RABGEF1: variants seen among roughly 807,000 people sequenced by gnomAD.
RABGEF1 encodes RAB guanine nucleotide exchange factor 1.
Under a neutral mutation model 57.3 loss-of-function variants are expected in RABGEF1, and 26 were observed. That is an observed-to-expected ratio of 0.45 (90% CI 0.33 to 0.63). The LOEUF is 0.63. Ranked by LOEUF, RABGEF1 falls within the 20% of genes least tolerant of loss-of-function variation. The probability of loss-of-function intolerance (pLI) is 0.02; values close to 1 mark genes in which losing one functional copy is unlikely to be tolerated. For synonymous variants in RABGEF1, 185 were observed against 210.7 expected, an observed-to-expected ratio of 0.88 and a Z score of 1.06; for missense variants, 464 against 607.6, an observed-to-expected ratio of 0.76 and a Z score of 2.48.
intron 1 of RABGEF1, among the ~76,000 whole-genome samples, chr7:66,688,673 TG>T (rs1791073553): frequency 2.6e-5 from 4 of 152,128 alleles, no homozygotes; most frequent in African/African-American, 9.7e-5. Flanking sequence ...TGGTTGAAGA[TG>T]AAATCATACA....
chr7:66,780,619 C>G (rs1809669543), intron 3 of RABGEF1, among the ~76,000 whole-genome samples: 1 of 152,180 alleles, frequency 6.6e-6, no homozygotes, highest in Admixed American at 6.5e-5. Flanking sequence ...AATCACCTCT[C>G]TGTCAATTAC....
At chr7:66,715,392 A>G (rs955965131) in intron 2 of RABGEF1, among the ~76,000 whole-genome samples, 1 of 152,176 alleles carries the variant, frequency 6.6e-6, no homozygotes, top group Non-Finnish European at 1.5e-5. Context: ...TGGCCTCCCA[A>G]CATGTTGGGA....
chr7:66,664,659 G>T, the RABGEF1 span, among the ~76,000 whole-genome samples: 1 of 152,168 alleles, frequency 6.6e-6, no homozygotes, highest in East Asian at 1.9e-4. Context: ...TGCAGCCCCC[G>T]CCTCCCCCTG....
intron 1 of RABGEF1, among the ~76,000 whole-genome samples, chr7:66,765,489 A>G (rs1805471833): frequency 1.3e-5 from 2 of 152,068 alleles, no homozygotes; most frequent in South Asian, 4.2e-4. Flanking sequence ...AAAAACGACA[A>G]AAGTAGTTAG....
chr7:66,704,912 A>G (rs149649251), intron 1 of RABGEF1, among the ~76,000 whole-genome samples: 21 of 152,166 alleles, frequency 1.4e-4, no homozygotes, highest in Admixed American at 6.5e-4. Context: ...GCTGGCCTAT[A>G]TTTAGTTTTT....
chr7:66,737,178 C>T (rs576843920), upstream of RABGEF1, among the ~76,000 whole-genome samples: 19 of 151,986 alleles, frequency 1.3e-4, no homozygotes, highest in African/African-American at 4.6e-4. Flanking sequence ...AATCCTCCCA[C>T]CTTGACCTCC....
the RABGEF1 span, among the ~76,000 whole-genome samples, chr7:66,664,897 G>A: frequency 7.9e-3 from 1,203 of 152,350 alleles, 8 homozygotes; most frequent in Non-Finnish European, 0.012. Flanking sequence ...TCAACTCTGC[G>A]ATCCAGACCC....
intron 2 of RABGEF1, among the ~76,000 whole-genome samples, chr7:66,729,026 C>T (rs1426871413): frequency 6.6e-5 from 10 of 151,420 alleles, no homozygotes; most frequent in Admixed American, 6.6e-4. Context: ...TCTCGACTCA[C>T]TGCAACCTCT....
intron 2 of RABGEF1, among the ~76,000 whole-genome samples, chr7:66,717,329 A>C (rs1195004624): frequency 2.6e-5 from 4 of 152,102 alleles, no homozygotes; most frequent in African/African-American, 9.7e-5. Context: ...CCCTGTCCTT[A>C]CTATGTTGTA....
intron 2 of RABGEF1, among the ~76,000 whole-genome samples, chr7:66,728,306 T>G (rs1796825852): frequency 6.6e-6 from 1 of 152,122 alleles, no homozygotes; most frequent in African/African-American, 2.4e-5. Context: ...CTGTCTATTG[T>G]CTTGTGGAGA....
Position 66,729,259 on chromosome 7 carries a change from A to T in RABGEF1, c.-814-10737A>T, listed in dbSNP as rs1307587636. 2.7e-5 allele frequency among the ~76,000 whole-genome samples: 4 copies of T among 150,346 alleles called. No individual in the cohort carries two copies. In the East Asian group the frequency reaches 7.9e-4, roughly 30 times the overall value. On this transcript the variant is annotated intron_variant and NMD_transcript_variant, in intron 2 of 9. Coordinates refer to the RABGEF1 transcript ENST00000607882. ...GCCACCGCACCCAGCCCTGACCTCCACCATTACCACCATCCTCGCCTTCAT... is the reference window on the plus strand; with the variant it reads ...GCCACCGCACCCAGCCCTGACCTCCTCCATTACCACCATCCTCGCCTTCAT...
At chr7:66,671,909 G>C in the RABGEF1 span, among the ~76,000 whole-genome samples, 4 of 148,398 alleles carry the variant, frequency 2.7e-5, no homozygotes, top group Non-Finnish European at 5.9e-5. Flanking sequence ...CTTGACCTCC[G>C]AGGTGCAAGC....
chr7:66,803,484 C>A (rs1367848706), intron 7 of RABGEF1, among the ~76,000 whole-genome samples: 1 of 152,222 alleles, frequency 6.6e-6, no homozygotes, highest in African/African-American at 2.4e-5. Context: ...CGCTGCCTCT[C>A]CAGCGGTGCT....
intron 1 of RABGEF1, among the ~76,000 whole-genome samples, chr7:66,690,352 G>T (rs1187088661): frequency 1.3e-4 from 19 of 150,640 alleles, no homozygotes; most frequent in African/African-American, 4.6e-4. Context: ...ACCTGCCTTG[G>T]CCTCCCAAAG....
intron 2 of RABGEF1, among the ~76,000 whole-genome samples, chr7:66,730,533 A>T (rs1327367617): frequency 6.6e-6 from 1 of 150,466 alleles, no homozygotes; most frequent in Non-Finnish European, 1.5e-5. Flanking sequence ...GAGCTCATTC[A>T]CATATAGCAC....
intron 6 of RABGEF1, 21 bp downstream of exon 6, chr7:66,797,527 G>A (rs1370324514): frequency 1.2e-6 from 2 of 1,601,914 alleles, no homozygotes; most frequent in Non-Finnish European, 8.5e-7. Flanking sequence ...ATTTTGTTTT[G>A]CTTTGTAGTT....
chr7:66,674,270 A>C, the RABGEF1 span, among the ~76,000 whole-genome samples: 2 of 151,688 alleles, frequency 1.3e-5, no homozygotes, highest in Non-Finnish European at 1.5e-5. Flanking sequence ...GCTCACTGCA[A>C]CTTCCACTTC....
the RABGEF1 span, among the ~76,000 whole-genome samples, chr7:66,662,234 G>A: frequency 2.1e-4 from 30 of 139,682 alleles, no homozygotes; most frequent in African/African-American, 6.8e-4. Flanking sequence ...GCGAGACTCC[G>A]TCTCAAAAAA....
At chr7:66,660,049 T>C in the RABGEF1 span, among the ~76,000 whole-genome samples, 86 of 149,148 alleles carry the variant, frequency 5.8e-4, no homozygotes, top group Non-Finnish European at 1.1e-3. Flanking sequence ...AAATCAGAAA[T>C]GAAAATGAGG....
Sources: allele counts gnomAD v4.1 joint callset (sites outside exome capture counted in the v4.1 genomes callset), GRCh38; gene constraint gnomAD v4.1.1; transcripts MANE v1.5; gene names NCBI Gene and HGNC (gene_info 2026-07-23, HGNC 2026-07-21).